The following ARFGEF1 variants were observed in gnomAD, a reference collection of about 807,000 sequenced individuals.
The protein encoded by ARFGEF1 is ARF guanine nucleotide exchange factor 1, also known as brefeldin A-inhibited guanine nucleotide-exchange protein 1.
A neutral mutation model predicts 231.0 loss-of-function variants in ARFGEF1; 42 were observed. That is an observed-to-expected ratio of 0.18 (90% confidence interval 0.14 to 0.24). ARFGEF1 has a LOEUF of 0.24. Ranked by LOEUF, ARFGEF1 falls within the 10% of genes least tolerant of loss-of-function variation. The pLI, the probability that ARFGEF1 is intolerant of heterozygous loss-of-function variation, is 1.00. For synonymous variants in ARFGEF1, 710 were observed against 732.3 expected (o/e 0.97, Z 0.49); for missense variants, 1,345 against 2,192.0 (o/e 0.61, Z 7.72).
At chr8:67,308,753 A>T (rs1806860574) in intron 1 of ARFGEF1, among the ~76,000 whole-genome samples, 1 of 152,076 alleles carries the variant, frequency 6.6e-6, no homozygotes, top group Non-Finnish European at 1.5e-5. Flanking sequence ...ATGCAAGGAA[A>T]TTTTTTTATT....
At chr8:67,218,976 C>T (rs1178414434) in intron 30 of ARFGEF1, among the ~76,000 whole-genome samples, 1 of 151,144 alleles carries the variant, frequency 6.6e-6, no homozygotes, top group Non-Finnish European at 1.5e-5. Flanking sequence ...ACACAGTGTT[C>T]TTTTTTTTTG....
chr8:67,225,971 T>G, intron 28 of ARFGEF1, 52 bp downstream of exon 28: 1 of 1,480,658 alleles, frequency 6.8e-7, no homozygotes, highest in East Asian at 2.4e-5. Context: ...ACTTAAGATT[T>G]CAAATTGGAA....
At chr8:67,188,590 A>G (rs1835326906) in intron 5 of ARFGEF1, among the ~76,000 whole-genome samples, 1 of 152,126 alleles carries the variant, frequency 6.6e-6, no homozygotes, top group African/African-American at 2.4e-5. Context: ...CATTCTATTA[A>G]ATCTTGGAAC....
intron 22 of ARFGEF1, among the ~76,000 whole-genome samples, chr8:67,233,583 C>G (rs1054086153): frequency 6.6e-6 from 1 of 152,000 alleles, no homozygotes; most frequent in Non-Finnish European, 1.5e-5. Flanking sequence ...ATCACCTGTT[C>G]ATTTCCATTC....
At chr8:67,234,834 T>C (rs563035005) in intron 22 of ARFGEF1, among the ~76,000 whole-genome samples, 2 of 152,202 alleles carry the variant, frequency 1.3e-5, no homozygotes, top group South Asian at 4.1e-4. Context: ...TCTACTGCTA[T>C]AATACAAGTG....
intron 38 of ARFGEF1, 158 bp downstream of exon 38, chr8:67,200,238 G>A (rs777626850): frequency 2.9e-6 from 2 of 693,790 alleles, no homozygotes; most frequent in South Asian, 2.9e-5. Context: ...GACTGAGGAA[G>A]ATACAGCAAG....
chr8:67,237,442 C>T (rs1347593590), intron 22 of ARFGEF1, among the ~76,000 whole-genome samples: 1 of 152,106 alleles, frequency 6.6e-6, no homozygotes, highest in African/African-American at 2.4e-5. Flanking sequence ...TCCTATGGAT[C>T]CTTTATAAAG....
intron 7 of ARFGEF1, among the ~76,000 whole-genome samples, chr8:67,280,542 T>C (rs1412021863): frequency 1.3e-5 from 2 of 152,148 alleles, no homozygotes; most frequent in African/African-American, 4.8e-5. Context: ...CTGGCAAGGG[T>C]TGGGAGAGTG....
intron 1 of ARFGEF1, among the ~76,000 whole-genome samples, chr8:67,307,818 C>A (rs1026718794): frequency 2.6e-5 from 4 of 152,302 alleles, no homozygotes; most frequent in East Asian, 1.9e-4. Context: ...TATTCTAACT[C>A]CCCTCCCCTT....
chr8:67,201,171 A>G (rs937775326), intron 37 of ARFGEF1, among the ~76,000 whole-genome samples: 2 of 152,230 alleles, frequency 1.3e-5, no homozygotes, highest in African/African-American at 4.8e-5. Flanking sequence ...CACTTATACA[A>G]ATGATCTGTA....
chr8:67,327,850 T>C (rs1807909779), intron 1 of ARFGEF1, among the ~76,000 whole-genome samples: 1 of 152,256 alleles, frequency 6.6e-6, no homozygotes. Context: ...CACTACATAG[T>C]ACTTTGTAAC....
At chr8:67,303,729 AAT>A (rs1206419957) in intron 1 of ARFGEF1, among the ~76,000 whole-genome samples, 3 of 150,916 alleles carry the variant, frequency 2.0e-5, no homozygotes, top group South Asian at 2.1e-4. Context: ...AAAAAAAAAA[AAT>A]AATAATTAAT....
intron 19 of ARFGEF1, among the ~76,000 whole-genome samples, chr8:67,250,456 C>T (rs1437813693): frequency 6.6e-6 from 1 of 152,176 alleles, no homozygotes; most frequent in African/African-American, 2.4e-5. Context: ...CTCTCATCAT[C>T]GTGATTCTTC....
chr8:67,219,570 C>G lies in ARFGEF1; in HGVS notation c.4209-10G>C, dbSNP rs370196711. On this transcript the variant is annotated splice_polypyrimidine_tract_variant and intron_variant, in intron 29 of 38. Transcript: ENST00000262215. ...CATTACTGTTAAACCCCTAAAATGA[C>G]AAAACACAATTAGAAAGCTGTAATA... 4.4e-6 allele frequency: 7 copies of G among 1,578,744 alleles called. No homozygotes were observed. Among genetic ancestry groups the G allele is most frequent in the Non-Finnish European group, 6.0e-6 (7 of 1,163,646 alleles).
intron 36 of ARFGEF1, 82 bp downstream of exon 36, chr8:67,203,001 A>T: frequency 7.1e-7 from 1 of 1,399,800 alleles, no homozygotes; most frequent in Non-Finnish European, 9.8e-7. Flanking sequence ...TATAGCAGAC[A>T]GTCAATGAGT....
At chr8:67,176,366 AGATAGCATCACAGGAGT>A (rs1416443253) in intron 5 of ARFGEF1, among the ~76,000 whole-genome samples, 1 of 152,174 alleles carries the variant, frequency 6.6e-6, no homozygotes, top group African/African-American at 2.4e-5. Context: ...TGACTTCATG[AGATAGCATCACAGGAGT>A]AAGTGATGCA....
At chr8:67,313,196 T>G (rs1184117266) in intron 1 of ARFGEF1, among the ~76,000 whole-genome samples, 1 of 152,114 alleles carries the variant, frequency 6.6e-6, no homozygotes, top group South Asian at 2.1e-4. Context: ...AGGAGTTCAT[T>G]TTTTGGATTT....
At chr8:67,305,748 C>T (rs1247605496) in intron 1 of ARFGEF1, among the ~76,000 whole-genome samples, 1 of 152,156 alleles carries the variant, frequency 6.6e-6, no homozygotes, top group Non-Finnish European at 1.5e-5. Flanking sequence ...TATCATTCTA[C>T]AATTATCAGG....
At chr8:67,201,678 G>C in intron 36 of ARFGEF1, 73 bp from the exon 37 acceptor site, 2 of 1,584,422 alleles carry the variant, frequency 1.3e-6, no homozygotes, top group Non-Finnish European at 1.7e-6. Flanking sequence ...CCCGTATGGA[G>C]GCACATTTTG....
Sources: allele counts gnomAD v4.1 joint callset (sites outside exome capture counted in the v4.1 genomes callset), GRCh38; gene constraint gnomAD v4.1.1; transcripts MANE v1.5; gene names NCBI Gene and HGNC (gene_info 2026-07-23, HGNC 2026-07-21).